The following C3orf33 variants were observed in gnomAD, a reference collection of about 807,000 sequenced individuals.
C3orf33 encodes the protein AP-1 activity suppressor.
A neutral mutation model predicts 28.7 loss-of-function variants in C3orf33; 23 were observed. That is an observed-to-expected ratio of 0.80 (90% confidence interval 0.58 to 1.13). The LOEUF (loss-of-function observed/expected upper bound fraction) is 1.13. C3orf33 is among the 50% of genes most tolerant of loss of function. C3orf33 has a pLI of 0.00. For synonymous variants in C3orf33, 119 were observed against 120.5 expected, an observed-to-expected ratio of 0.99 and a Z score of 0.08; for missense variants, 327 against 353.4, an observed-to-expected ratio of 0.93 and a Z score of 0.60.
intron 2 of C3orf33, among the ~76,000 whole-genome samples, chr3:155,784,780 T>A (rs1039175473): frequency 1.3e-5 from 2 of 150,428 alleles, no homozygotes; most frequent in African/African-American, 4.9e-5. Context: ...TAAAAAATTA[T>A]ACAAAATACA....
At chr3:155,771,148 C>G (rs888423921) in intron 3 of C3orf33, among the ~76,000 whole-genome samples, 10 of 151,842 alleles carry the variant, frequency 6.6e-5, no homozygotes, top group Middle Eastern at 3.4e-3. Flanking sequence ...CTCTGCCACC[C>G]AGGCTGGAGT....
At chr3:155,767,787 C>A in intron 3 of C3orf33, 118 bp from the exon 4 acceptor site, 1 of 629,530 alleles carries the variant, frequency 1.6e-6, no homozygotes, top group South Asian at 4.1e-5. Flanking sequence ...AATACCCAGT[C>A]TCTCTAACTG....
At chr3:155,786,073 G>GAAAGGAAAAAGGGAAGA (rs1751091510) in intron 2 of C3orf33, among the ~76,000 whole-genome samples, 1 of 150,496 alleles carries the variant, frequency 6.6e-6, no homozygotes, top group African/African-American at 2.4e-5. Flanking sequence ...AAAAGGGAAG[G>GAAAGGAAAAAGGGAAGA]AAAGGAAAAA....
In C3orf33 at chr3:155,781,038, G is replaced by C. The variant is rs369456182; in HGVS notation, c.175-5190C>G. 3.1e-4 allele frequency among the ~76,000 whole-genome samples: 46 copies of C among 148,596 alleles called. No individual in the cohort carries two copies. The East Asian group carries it at 6.1e-3, about 20-fold the overall frequency. Reference sequence around the variant, plus strand: ...CGGAGTCTCGCTCTGTCGCCCAGGTGGGACTGCGGACTGCAGTGGCGCAAT... The same window carrying C: ...CGGAGTCTCGCTCTGTCGCCCAGGTCGGACTGCGGACTGCAGTGGCGCAAT... On this transcript the variant is annotated intron_variant, in intron 2 of 4. Coordinates refer to ENST00000340171, the MANE Select transcript of C3orf33 (RefSeq NM_001308229.2).
chr3:155,763,751 C>T lies in C3orf33; in HGVS notation c.651G>A (p.Lys217=). Residue 217 remains lysine, a synonymous_variant, in exon 5 of 5, where the codon AAG becomes AAA. Coordinates refer to ENST00000340171, the MANE Select transcript of C3orf33 (RefSeq NM_001308229.2). ...AGTAACTTTCTTTTTCAGAGTCTTC[C>T]TTCCATATTCCTTCTCCTTTTTTTA... is the stretch of plus-strand genomic sequence containing the variant. The part of the protein sequence containing the change: ...TALKKGEGIW[K]EDSEKESYLE... 1 of 1,603,664 alleles carries T rather than the reference C, an allele frequency of 6.2e-7. No individual in the cohort carries two copies. Among genetic ancestry groups the T allele is most frequent in the Non-Finnish European group, 8.5e-7 (1 of 1,176,992 alleles).
In C3orf33 at chr3:155,787,856, G is replaced by A. The variant is rs1334747525; in HGVS notation, c.175-12008C>T. On this transcript the variant is annotated intron_variant, in intron 2 of 4. Coordinates refer to ENST00000340171, the MANE Select transcript of C3orf33 (RefSeq NM_001308229.2). ...AAGGATTATACATTATAACTTAGTG[G>A]GATTTATTCCTGAAATGCAAGAATG... 2.0e-5 allele frequency among the ~76,000 whole-genome samples: 3 copies of A among 151,662 alleles called. No homozygotes were observed. The South Asian group carries it at 6.3e-4, about 32-fold the overall frequency.
chr3:155,767,714 G>T lies in C3orf33; in HGVS notation c.323-45C>A, dbSNP rs750278391. On this transcript the variant is annotated intron_variant, in intron 3 of 4. Transcript: ENST00000340171. ...AAGAGTTTAGCTTTAACAGCATGTT[G>T]CAAAAGCAAATTCCAGTCAGTTGGC... 3.6e-6 allele frequency: 5 copies of T among 1,381,998 alleles called. No individual in the cohort carries two copies. The African/African-American group carries it at 7.3e-5, about 20-fold the overall frequency. 85.6% of individuals were successfully genotyped at this position (1,381,998 alleles called of 1,614,324 possible). A position where few individuals can be genotyped will look rare whatever the true frequency, so the allele number is the denominator to read the frequency against.
Position 155,768,119 on chromosome 3 carries a change from A to G in C3orf33, c.323-450T>C, listed in dbSNP as rs1750471213. Among the ~76,000 whole-genome samples the G allele has an allele frequency of 2.0e-5, 3 of 152,156 alleles. No individual in the cohort carries two copies. In the South Asian group the frequency reaches 6.2e-4, roughly 32 times the overall value. ...GGTCTCGAACCCCTAGCCTCAAGTG[A>G]TCCACCCACCTCGGCCTCCCAAAGT... On this transcript the variant is annotated intron_variant, in intron 3 of 4. Transcript: ENST00000340171.
At chr3:155,792,654 C>A (rs1751349840) in intron 2 of C3orf33, among the ~76,000 whole-genome samples, 1 of 151,942 alleles carries the variant, frequency 6.6e-6, no homozygotes, top group Non-Finnish European at 1.5e-5. Context: ...TAAAAAGAAT[C>A]AACCAGAAAC....
chr3:155,798,924 G>GA (rs141141089), intron 2 of C3orf33, among the ~76,000 whole-genome samples: 5,651 of 151,786 alleles, frequency 0.037, 166 homozygotes, highest in African/African-American at 0.077. Flanking sequence ...AACTCTACAG[G>GA]AAAAAAAATC....
At chr3:155,776,759 CAAAAAA>C (rs10654812) in intron 2 of C3orf33, among the ~76,000 whole-genome samples, 49 of 86,918 alleles carry the variant, frequency 5.6e-4, no homozygotes, top group Non-Finnish European at 7.0e-4. Context: ...CTGACTCTGT[CAAAAAA>C]AAAAAAAAAA....
At chr3:155,780,514 A>G (rs949474544) in intron 2 of C3orf33, among the ~76,000 whole-genome samples, 4 of 152,264 alleles carry the variant, frequency 2.6e-5, no homozygotes, top group Non-Finnish European at 5.9e-5. Flanking sequence ...GCCAAACTCA[A>G]TAATCTTCTT....
Position 155,802,585 on chromosome 3 carries a change from T to C in C3orf33, c.121A>G (p.Ser41Gly), listed in dbSNP as rs1300234104. 1.9e-6 allele frequency: 3 copies of C among 1,593,558 alleles called. No homozygotes were observed. Among genetic ancestry groups the C allele is most frequent in the East Asian group, 2.3e-5 (1 of 44,232 alleles). ...DDHLRLVRNI[S>G]TGMAIAGIML... ...ATTCCAGCTATGGCCATTCCAGTGC[T>C]GATGTTCTACAGAAAGAGATTTAAG... Residue 41 changes from serine (S) to glycine (G), a missense_variant, in exon 2 of 5, where the codon AGC (serine) becomes GGC (glycine). Ser to Gly is a moderately conservative substitution (Grantham distance 56, BLOSUM62 0). Coordinates refer to ENST00000340171, the MANE Select transcript of C3orf33 (RefSeq NM_001308229.2).
In C3orf33 at chr3:155,806,066, C is replaced by T. The variant is rs1394276725; in HGVS notation, c.114+73G>A. 3 of 1,054,910 alleles carry T rather than the reference C, an allele frequency of 2.8e-6. No homozygotes were observed. In the East Asian group the frequency reaches 9.1e-5, roughly 32 times the overall value. The allele number at this position is 1,054,910 out of a possible 1,614,324, so 65.3% of individuals were successfully genotyped here. On this transcript the variant is annotated intron_variant, in intron 1 of 4. Coordinates refer to ENST00000340171, the MANE Select transcript of C3orf33 (RefSeq NM_001308229.2). ...GCCCCGGCGGGATCCACGCCTGAGG[C>T]CTCACGTTGTTCTCAGGGTCGCTCT...
chr3:155,800,091 G>A lies in C3orf33; in HGVS notation c.174+2441C>T, dbSNP rs1023940517. On this transcript the variant is annotated intron_variant, in intron 2 of 4. Transcript: ENST00000340171. ...AACATAATTGGATTGTTTGCAACACGAAAGAAGAAATGCTTGAGGTGATGA... is the reference window on the plus strand; with the variant it reads ...AACATAATTGGATTGTTTGCAACACAAAAGAAGAAATGCTTGAGGTGATGA... Among the ~76,000 whole-genome samples, 6 of 152,240 alleles carry A rather than the reference G, an allele frequency of 3.9e-5. No homozygotes were observed. In the East Asian group the frequency reaches 9.6e-4, roughly 24 times the overall value.
At position 155,781,222 on chromosome 3, in the gene C3orf33, G is replaced by A. The variant is rs147510177; in HGVS notation, c.175-5374C>T. Among the ~76,000 whole-genome samples, 17 of 151,296 alleles carry A rather than the reference G, an allele frequency of 1.1e-4. No individual in the cohort carries two copies. In the East Asian group the frequency reaches 3.4e-3, roughly 30 times the overall value. On this transcript the variant is annotated intron_variant, in intron 2 of 4. Transcript: ENST00000340171. ...GGGGTTTCACCTTGTTAGCCAGGATGGTCTCGATCTCCTGACCTCATGATC... is the reference window on the plus strand; with the variant it reads ...GGGGTTTCACCTTGTTAGCCAGGATAGTCTCGATCTCCTGACCTCATGATC...
rs537160429 is a variant in C3orf33, at chr3:155,771,212, C to A, written c.323-3543G>T. 1.4e-3 allele frequency among the ~76,000 whole-genome samples: 206 copies of A among 151,936 alleles called. 1 individual carries two copies. Among genetic ancestry groups the A allele is most frequent in the African/African-American group, 4.8e-3 (199 of 41,446 alleles). On this transcript the variant is annotated intron_variant, in intron 3 of 4. Transcript: ENST00000340171. ...CCTCAACCTCCCAGGCTCAAGCGAT[C>A]CTCCCATATCAGCCTCGCAAGTAAC...
chr3:155,771,635 G>A (rs1188406611), intron 3 of C3orf33, among the ~76,000 whole-genome samples: 1 of 152,162 alleles, frequency 6.6e-6, no homozygotes, highest in Non-Finnish European at 1.5e-5. Flanking sequence ...GGGCTCAAGG[G>A]ATCCTCCTGC....
chr3:155,764,698 A>C (rs191296740), intron 4 of C3orf33, among the ~76,000 whole-genome samples: 22 of 151,808 alleles, frequency 1.4e-4, no homozygotes, highest in Admixed American at 4.6e-4. Flanking sequence ...TAAAAAAAAA[A>C]CACAAAAATT....
Sources: gnomAD v4.1 joint callset for allele counts (sites outside exome capture counted in the v4.1 genomes callset) on GRCh38, gnomAD v4.1.1 for gene constraint, MANE v1.5 for transcripts, NCBI Gene and HGNC (gene_info 2026-07-23, HGNC 2026-07-21) for gene names.